The following KRT78 variants were observed in gnomAD, a reference collection of about 807,000 sequenced individuals.
KRT78 encodes keratin, type II cytoskeletal 78.
In KRT78, 55 loss-of-function variants were observed where a neutral mutation model predicts 51.4. The ratio of observed to expected loss-of-function variants is 1.07; its 90% CI spans 0.86 to 1.34. The LOEUF is 1.34. Ranked by LOEUF, KRT78 falls within the 40% of genes most tolerant of loss-of-function variation. The pLI is 0.00. For missense variants in KRT78, 652 were observed against 649.4 expected (o/e 1.00, Z -0.04); for synonymous variants, 291 against 264.3 (o/e 1.10, Z -0.98).
chr12:52,848,508 G>T (rs780117904), intron 1 of KRT78, 39 bp downstream of exon 1: 1 of 1,605,396 alleles, frequency 6.2e-7, no homozygotes, highest in South Asian at 1.1e-5. Context: ...TCCTCCAAGG[G>T]AGGCACAGAG....
At chr12:52,843,834 G>A (rs570733736) in intron 6 of KRT78, among the ~76,000 whole-genome samples, 7 of 152,242 alleles carry the variant, frequency 4.6e-5, no homozygotes, top group South Asian at 4.2e-4. Flanking sequence ...CCCCCTCCCC[G>A]ATGCCAGGGG....
At chr12:52,847,321 G>A (rs192222611) in intron 2 of KRT78, among the ~76,000 whole-genome samples, 8 of 152,264 alleles carry the variant, frequency 5.3e-5, no homozygotes, top group Admixed American at 2.0e-4. Context: ...AACCAAGTCC[G>A]GGAGAGATGA....
intron 6 of KRT78, among the ~76,000 whole-genome samples, chr12:52,842,960 AGG>A (rs1940538981): frequency 9.1e-5 from 2 of 21,932 alleles, no homozygotes; most frequent in Non-Finnish European, 1.6e-4. Flanking sequence ...AGAGAGAGAG[AGG>A]AAGGAAGGAA....
Position 52,839,899 on chromosome 12 carries a change from A to C in KRT78, c.1133T>G (p.Leu378Arg), listed in dbSNP as rs1438940684. 6.2e-7 allele frequency: 1 copy of C among 1,614,094 alleles called. No individual in the cohort carries two copies. The highest frequency in any genetic ancestry group is 1.3e-5 in the African/African-American group (1 of 75,016). ...LKDAQAKVDE[L>R]EAALRMAKQN... Reference sequence around the variant, plus strand: ...CTTGGCCATCCTCAGAGCAGCCTCCAGCTCGTCCACCTTGGCCTGAGCGTC... The same window carrying C: ...CTTGGCCATCCTCAGAGCAGCCTCCCGCTCGTCCACCTTGGCCTGAGCGTC... The change falls in exon 7 of 9, where the codon CTG becomes CGG. Residue 378 changes from leucine (L) to arginine (R), a missense_variant. Coordinates refer to ENST00000304620, the MANE Select transcript of KRT78 (RefSeq NM_173352.4).
At chr12:52,846,866 G>C (rs778265372) in intron 2 of KRT78, 42 bp from the exon 3 acceptor site, 1 of 1,507,576 alleles carries the variant, frequency 6.6e-7, no homozygotes, top group South Asian at 1.1e-5. Context: ...AGGCTCCACG[G>C]TCAGAGCTCA....
intron 3 of KRT78, among the ~76,000 whole-genome samples, 153 bp from the exon 4 acceptor site, chr12:52,846,445 C>G (rs971593588): frequency 1.3e-5 from 2 of 152,196 alleles, no homozygotes; most frequent in African/African-American, 4.8e-5. Flanking sequence ...CTGTCCTGCT[C>G]TCTCCTTTGC....
intron 6 of KRT78, 68 bp from the exon 7 acceptor site, chr12:52,840,052 T>G (rs1940454832): frequency 8.9e-7 from 1 of 1,121,444 alleles, no homozygotes; most frequent in African/African-American, 1.5e-5. Context: ...AAGCACCCAC[T>G]GTGGATATCA....
chr12:52,848,729 C>A lies in KRT78; in HGVS notation c.202G>T (p.Glu68Ter), dbSNP rs1940706932. 6.2e-7 allele frequency: 1 copy of A among 1,611,926 alleles called. No homozygotes were observed. The highest frequency in any genetic ancestry group is 1.7e-5 in the Admixed American group (1 of 59,820). Residue 68 changes from glutamate (E) to a stop codon, truncating the protein, a stop_gained, in exon 1 of 9, where the codon GAG becomes TAG. Coordinates refer to ENST00000304620, the MANE Select transcript of KRT78 (RefSeq NM_173352.4). LOFTEE classifies it high-confidence loss of function. ...GAGAGCCCAGGCCCACCACTCCACT[C>A]CCCAAACCGCACCCCCAGCCTACCC... is the stretch of plus-strand genomic sequence containing the variant. ...SGGRLGVRFGEWSGGPGLSLC... is the reference protein window; with the variant it reads ...SGGRLGVRFG
At chr12:52,841,576 T>A (rs906541641) in intron 6 of KRT78, among the ~76,000 whole-genome samples, 19 of 152,188 alleles carry the variant, frequency 1.2e-4, no homozygotes, top group Admixed American at 1.2e-3. Flanking sequence ...GCCTTACAGT[T>A]GATTTGCCCT....
Position 52,848,777 on chromosome 12 carries a change from G to T in KRT78, c.154C>A (p.Arg52Ser). 1 of 1,561,206 alleles carries T rather than the reference G, an allele frequency of 6.4e-7. No homozygotes were observed. Among genetic ancestry groups the T allele is most frequent in the Non-Finnish European group, 8.7e-7 (1 of 1,155,772 alleles). The stretch of plus-strand genomic sequence containing the variant: ...CCCCCTGACCCCCAGGTACTCCCAC[G>T]AGAGCCTTCCAGGCACCCCCCAAAG... ...NSFGGCLEGS[R>S]GSTWGSGGRL... The change falls in exon 1 of 9, where the codon CGT (arginine) becomes AGT (serine). Residue 52 changes from arginine to serine, a missense_variant. Coordinates refer to ENST00000304620, the MANE Select transcript of KRT78 (RefSeq NM_173352.4).
At chr12:52,846,938 C>T in intron 2 of KRT78, 114 bp from the exon 3 acceptor site, 1 of 737,942 alleles carries the variant, frequency 1.4e-6, no homozygotes, top group Non-Finnish European at 2.3e-6. Flanking sequence ...TGCCCCCAAA[C>T]AAGACAATAA....
chr12:52,841,668 C>T (rs1940504265), intron 6 of KRT78, among the ~76,000 whole-genome samples: 1 of 152,150 alleles, frequency 6.6e-6, no homozygotes, highest in African/African-American at 2.4e-5. Context: ...ATAATCTCTA[C>T]TCTATAGATG....
Position 52,844,217 on chromosome 12 carries a change from T to C in KRT78, c.923A>G (p.Tyr308Cys), listed in dbSNP as rs774416657. Reference protein sequence around the residue: ...AEAEALYQTKYQELQVSAQLH... With the variant: ...AEAEALYQTKCQELQVSAQLH... ...CTGGGCAGACACCTGAAGTTCCTGG[T>C]ACTGAGAGGGGAACAGAGGGGACAC... The change falls in exon 6 of 9, where the codon TAC becomes TGC. Residue 308 changes from tyrosine (Y) to cysteine (C), a missense_variant and splice_region_variant. Physicochemically the swap from Tyr to Cys is radical, Grantham distance 194. Coordinates refer to ENST00000304620, the MANE Select transcript of KRT78 (RefSeq NM_173352.4). 2 of 1,596,556 alleles carry C rather than the reference T, an allele frequency of 1.3e-6. No individual in the cohort carries two copies. Among genetic ancestry groups the C allele is most frequent in the South Asian group, 2.3e-5 (2 of 88,316 alleles).
chr12:52,846,455 C>T (rs1268163639), intron 3 of KRT78, among the ~76,000 whole-genome samples, 163 bp from the exon 4 acceptor site: 1 of 152,138 alleles, frequency 6.6e-6, no homozygotes, highest in Non-Finnish European at 1.5e-5. Context: ...CTCTCCTTTG[C>T]CCAACATTGA....
rs1422367310 is a variant in KRT78 at position 52,838,101 on chromosome 12, TC to T, written c.*1011del. 2 of 152,120 alleles carry T rather than the reference TC, an allele frequency of 1.3e-5. No individual in the cohort carries two copies. The highest frequency in any genetic ancestry group is 2.9e-5 in the Non-Finnish European group (2 of 68,028). 9.4% of individuals were successfully genotyped at this position (152,120 alleles called of 1,614,324 possible). ...CATGAATCTGAGGAAAGGTCTGCCC[TC>T]CCTCTAAAGCAAGGAGAGGCGTAGT... is the stretch of plus-strand genomic sequence containing the variant. On this transcript the variant is annotated 3_prime_UTR_variant, in exon 9 of 9. Transcript: ENST00000304620.
Position 52,839,791 on chromosome 12 carries a change from C to A in KRT78, c.1241G>T (p.Arg414Leu), listed in dbSNP as rs373055664. 21 of 1,613,914 alleles carry A rather than the reference C, an allele frequency of 1.3e-5. No homozygotes were observed. The highest frequency in any genetic ancestry group is 1.7e-5 in the Non-Finnish European group (20 of 1,180,028). Reference protein sequence around the residue: ...LSLDVEIATYRRLLEGEECRM... With the variant: ...LSLDVEIATYLRLLEGEECRM... ...GCACTCCTCGCCCTCCAGCAGCCTGCGGTAAGTGGCAATCTCCACATCCAG... is the reference window on the plus strand; with the variant it reads ...GCACTCCTCGCCCTCCAGCAGCCTGAGGTAAGTGGCAATCTCCACATCCAG... Residue 414 changes from arginine (R) to leucine (L), a missense_variant, in exon 7 of 9, where the codon CGC becomes CTC. Arg to Leu is a moderately radical substitution (Grantham distance 102). Transcript: ENST00000304620.
intron 2 of KRT78, 64 bp from the exon 3 acceptor site, chr12:52,846,888 C>A: frequency 2.5e-6 from 3 of 1,206,016 alleles, no homozygotes; most frequent in Middle Eastern, 3.8e-4. Flanking sequence ...GCCCCCATGT[C>A]CGAGCATGAC....
In KRT78 at chr12:52,838,198, G is replaced by A. The variant is rs2120372992; in HGVS notation, c.*915C>T. On this transcript the variant is annotated 3_prime_UTR_variant, in exon 9 of 9. Transcript: ENST00000304620. The stretch of plus-strand genomic sequence containing the variant: ...TCCCCCACCTGGGTCTGGAAAGCGA[G>A]AATGGGGAAAGAGCAACTGCAGGCA... 1 of 152,442 alleles carries A rather than the reference G, an allele frequency of 6.6e-6. No homozygotes were observed. Among genetic ancestry groups the A allele is most frequent in the East Asian group, 1.9e-4 (1 of 5,180 alleles). 9.4% of individuals were successfully genotyped at this position (152,442 alleles called of 1,614,324 possible). A position where few individuals can be genotyped will look rare whatever the true frequency, so the allele number is the denominator to read the frequency against.
Position 52,848,823 on chromosome 12 carries a change from G to A in KRT78, c.108C>T (p.Phe36=), listed in dbSNP as rs1940712472. The A allele has an allele frequency of 3.1e-6, 5 of 1,608,488 alleles. No homozygotes were observed. Among genetic ancestry groups the A allele is most frequent in the South Asian group, 1.1e-5 (1 of 91,010 alleles). ...SRGGFSSRGG[F]SSRSLNSFGG... is the part of the protein sequence containing the mutation. ...CAAAGGAATTAAGGCTCCTGCTGCT[G>A]AAGCCGCCCCTGCTGCTGAAGCCTC... Residue 36 remains phenylalanine (F), a synonymous_variant, in exon 1 of 9, where the codon TTC becomes TTT. Transcript: ENST00000304620.
Sources: gnomAD v4.1 joint callset for allele counts (sites outside exome capture counted in the v4.1 genomes callset) on GRCh38, gnomAD v4.1.1 for gene constraint, MANE v1.5 for transcripts, NCBI Gene and HGNC (gene_info 2026-07-23, HGNC 2026-07-21) for gene names.